Variants in ARID5B observed in about 807,000 individuals in gnomAD.
ARID5B encodes AT-rich interactive domain-containing protein 5B.
A neutral mutation model predicts 97.2 loss-of-function variants in ARID5B; 13 were observed. The observed-to-expected ratio is 0.13, with a 90% CI of 0.09 to 0.21. ARID5B has a LOEUF of 0.21. Ranked by LOEUF, ARID5B falls within the 10% of genes least tolerant of loss-of-function variation. The pLI, the probability that ARID5B is intolerant of heterozygous loss-of-function variation, is 1.00. For synonymous variants in ARID5B, 556 were observed against 570.3 expected (o/e 0.97, Z 0.36); for missense variants, 1,210 against 1,465.3 (o/e 0.83, Z 2.84).
intron 4 of ARID5B, among the ~76,000 whole-genome samples, chr10:62,022,419 G>C (rs1485799569): frequency 2.0e-5 from 3 of 152,184 alleles, no homozygotes; most frequent in Admixed American, 6.5e-5. Context: ...GGGAGGATGG[G>C]GTGGAGCCTT....
intron 3 of ARID5B, among the ~76,000 whole-genome samples, chr10:61,987,138 C>G (rs961824998): frequency 2.0e-5 from 3 of 152,212 alleles, no homozygotes; most frequent in Non-Finnish European, 4.4e-5. Flanking sequence ...ACTTCTCACT[C>G]TTTCCCACAT....
intron 4 of ARID5B, among the ~76,000 whole-genome samples, chr10:62,010,860 A>G (rs1839207814): frequency 6.6e-6 from 1 of 152,236 alleles, no homozygotes; most frequent in Admixed American, 6.5e-5. Context: ...GCCGTGGCCA[A>G]TCAAGAAACA....
intron 4 of ARID5B, among the ~76,000 whole-genome samples, chr10:62,026,401 A>G (rs1215655352): frequency 6.6e-6 from 1 of 152,192 alleles, no homozygotes; most frequent in African/African-American, 2.4e-5. Context: ...CCATGTGAGG[A>G]TATAGGACTA....
chr10:61,904,702 T>C lies in ARID5B; in HGVS notation c.276+2289T>C, dbSNP rs191636380. ...CGGCTGGTAATTAGCTGTATGATTA[T>C]ACTTGTATATTTCATTAGGACTTTG... On this transcript the variant is annotated intron_variant, in intron 2 of 9. Transcript: ENST00000279873. Among the ~76,000 whole-genome samples the C allele has an allele frequency of 2.3e-3, 354 of 152,380 alleles. 1 individual carries two copies. Among genetic ancestry groups the C allele is most frequent in the South Asian group, 4.6e-3 (22 of 4,834 alleles).
intron 2 of ARID5B, among the ~76,000 whole-genome samples, chr10:61,925,233 C>T (rs1338053924): frequency 6.6e-6 from 1 of 151,956 alleles, no homozygotes; most frequent in Non-Finnish European, 1.5e-5. Context: ...TCAAAAAAAT[C>T]AGATGTTAAA....
At chr10:62,029,535 T>C (rs552446649) in intron 4 of ARID5B, among the ~76,000 whole-genome samples, 66 of 152,334 alleles carry the variant, frequency 4.3e-4, no homozygotes, top group African/African-American at 1.4e-3. Flanking sequence ...AGCTAGTGCT[T>C]ATATACTACT....
Position 62,092,558 on chromosome 10 carries a change from C to T in ARID5B, c.3095C>T (p.Ser1032Phe). ...VIAGKKARAV[S>F]PLDPSKEVSG... ...GCAGGGAAAAAGGCCCGGGCAGTGT[C>T]TCCCTTAGACCCATCCAAGGAGGTC... Residue 1032 changes from serine to phenylalanine, a missense_variant, in exon 10 of 10, where the codon TCT becomes TTT. Ser to Phe is a radical substitution (Grantham distance 155). This residue lies in a region of ARID5B where 800 missense variants were observed against 839.1 expected (regional missense o/e 0.95). Transcript: ENST00000279873. 1 of 1,614,184 alleles carries T rather than the reference C, an allele frequency of 6.2e-7. No individual in the cohort carries two copies. The highest frequency in any genetic ancestry group is 8.5e-7 in the Non-Finnish European group (1 of 1,180,034).
At chr10:61,944,464 A>G (rs1190786102) in intron 3 of ARID5B, among the ~76,000 whole-genome samples, 3 of 152,212 alleles carry the variant, frequency 2.0e-5, no homozygotes, top group Admixed American at 1.3e-4. Flanking sequence ...TATAAACACT[A>G]TCAGTTAAAC....
At chr10:62,073,400 G>C (rs1158158204) in intron 8 of ARID5B, among the ~76,000 whole-genome samples, 1 of 152,168 alleles carries the variant, frequency 6.6e-6, no homozygotes, top group Non-Finnish European at 1.5e-5. Context: ...AGCACTTTTG[G>C]TTTATTAATG....
intron 4 of ARID5B, among the ~76,000 whole-genome samples, chr10:62,019,798 T>C (rs766567170): frequency 2.6e-5 from 4 of 152,248 alleles, no homozygotes; most frequent in Non-Finnish European, 5.9e-5. Flanking sequence ...TTCCTGTGGA[T>C]TTAAGACCTT....
At chr10:62,049,195 G>T (rs893086042) in intron 4 of ARID5B, 17 of 1,296,352 alleles carry the variant, frequency 1.3e-5, no homozygotes, top group Middle Eastern at 3.0e-4. Context: ...TCTCCGTGCG[G>T]GGAGGTGGAG....
intron 3 of ARID5B, among the ~76,000 whole-genome samples, chr10:61,972,865 G>C (rs546439827): frequency 7.2e-5 from 11 of 152,288 alleles, no homozygotes; most frequent in African/African-American, 2.6e-4. Context: ...AGGATCTTGT[G>C]TATATTGAAA....
intron 4 of ARID5B, among the ~76,000 whole-genome samples, chr10:62,033,280 C>T (rs1839520452): frequency 6.6e-6 from 1 of 152,180 alleles, no homozygotes; most frequent in Non-Finnish European, 1.5e-5. Context: ...CTCTCTCTCT[C>T]TGTCTGTCAC....
rs570879380 is a variant in ARID5B, at chr10:62,045,161, G to T, written c.734-5727G>T. On this transcript the variant is annotated intron_variant, in intron 4 of 9. Transcript: ENST00000279873. ...TTGTTCCCCCACATATTTGAAAACTGAAATTCTGTAAGAGATTATCTGTGA... is the reference window on the plus strand; with the variant it reads ...TTGTTCCCCCACATATTTGAAAACTTAAATTCTGTAAGAGATTATCTGTGA... Among the ~76,000 whole-genome samples, 49 of 152,280 alleles carry T rather than the reference G, an allele frequency of 3.2e-4. 1 individual carries two copies. The highest frequency in any genetic ancestry group is 7.4e-5 in the Non-Finnish European group (5 of 68,022).
chr10:62,041,876 T>C (rs1839641900), intron 4 of ARID5B, among the ~76,000 whole-genome samples: 1 of 152,224 alleles, frequency 6.6e-6, no homozygotes, highest in Admixed American at 6.5e-5. Context: ...GGCTATTCAG[T>C]ACAAAAATGT....
intron 7 of ARID5B, among the ~76,000 whole-genome samples, chr10:62,062,777 T>C (rs1839937703): frequency 1.3e-5 from 1 of 75,506 alleles, no homozygotes; most frequent in Non-Finnish European, 2.6e-5. Context: ...TTGGCCTTTG[T>C]GCAAAAAAAA....
intron 2 of ARID5B, among the ~76,000 whole-genome samples, chr10:61,929,377 A>T (rs549860711): frequency 1.3e-5 from 2 of 152,216 alleles, no homozygotes; most frequent in Non-Finnish European, 2.9e-5. Context: ...ACACTTGTGC[A>T]TTTATTGTCC....
chr10:62,044,171 G>T (rs1839675599), intron 4 of ARID5B, among the ~76,000 whole-genome samples: 1 of 151,940 alleles, frequency 6.6e-6, no homozygotes, highest in African/African-American at 2.4e-5. Context: ...GCAGTGTAGG[G>T]GTATGACTTG....
chr10:62,006,997 G>C lies in ARID5B; in HGVS notation c.733+6676G>C, dbSNP rs1471066761. 3.3e-5 allele frequency among the ~76,000 whole-genome samples: 5 copies of C among 152,110 alleles called. No homozygotes were observed. In the East Asian group the frequency reaches 9.6e-4, roughly 29 times the overall value. ...TTCACCTAGCATTTCATCTAGAAAA[G>C]CGAGAAAGTTATATCCCATTACATT... On this transcript the variant is annotated intron_variant, in intron 4 of 9. Transcript: ENST00000279873.
Sources: gnomAD v4.1 joint callset for allele counts (sites outside exome capture counted in the v4.1 genomes callset) on GRCh38, gnomAD v4.1.1 for gene constraint, gnomAD v4.1.1 regional missense constraint, MANE v1.5 for transcripts, NCBI Gene and HGNC (gene_info 2026-07-23, HGNC 2026-07-21) for gene names.